The following TMEM245 variants were observed in gnomAD, a reference collection of about 807,000 sequenced individuals.
TMEM245 encodes transmembrane protein 245.
A neutral mutation model predicts 101.2 loss-of-function variants in TMEM245; 69 were observed. That is an observed-to-expected ratio of 0.68 (90% confidence interval 0.56 to 0.83). The LOEUF (loss-of-function observed/expected upper bound fraction) is 0.83, where lower values mean the gene tolerates loss of function less well. TMEM245 is among the 40% of genes least tolerant of loss of function. The pLI is 0.00. For missense variants in TMEM245, 1,075 were observed against 1,092.8 expected (o/e 0.98, Z 0.23); for synonymous variants, 537 against 449.8 (o/e 1.19, Z -2.45).
intron 6 of TMEM245, among the ~76,000 whole-genome samples, chr9:109,086,957 A>AT (rs2132548453): frequency 6.6e-6 from 1 of 152,314 alleles, no homozygotes; most frequent in East Asian, 1.9e-4. Flanking sequence ...CATTTCTCCC[A>AT]TTTTTATGAG....
intron 8 of TMEM245, among the ~76,000 whole-genome samples, chr9:109,075,503 T>C (rs546988908): frequency 1.3e-5 from 2 of 152,332 alleles, no homozygotes; most frequent in South Asian, 4.1e-4. Context: ...CGCTTCTTGG[T>C]AGGAAGAATT....
Position 109,036,383 on chromosome 9 carries a change from GA to G in TMEM245, c.2225-4del, listed in dbSNP as rs753369168. 1 of 1,568,478 alleles carries G rather than the reference GA, an allele frequency of 6.4e-7. No homozygotes were observed. On this transcript the variant is annotated splice_polypyrimidine_tract_variant and splice_region_variant and intron_variant, in intron 15 of 17. Transcript: ENST00000374586. ...TGCTCCAAGGATTGCTGCTAATGCT[GA>G]AAAAAGAGTAAAAGAAAAACAACTT... is the stretch of plus-strand genomic sequence containing the variant.
intron 9 of TMEM245, among the ~76,000 whole-genome samples, chr9:109,067,501 C>T (rs1455369225): frequency 1.3e-5 from 2 of 152,260 alleles, no homozygotes; most frequent in African/African-American, 4.8e-5. Context: ...TACTACCTAC[C>T]AAGAGAACAA....
intron 12 of TMEM245, among the ~76,000 whole-genome samples, chr9:109,052,637 C>T (rs1828720350): frequency 6.6e-6 from 1 of 152,190 alleles, no homozygotes; most frequent in African/African-American, 2.4e-5. Flanking sequence ...TACATAAAAT[C>T]TTGAAAATGC....
At chr9:109,074,848 A>C (rs1829448627) in intron 8 of TMEM245, among the ~76,000 whole-genome samples, 1 of 152,204 alleles carries the variant, frequency 6.6e-6, no homozygotes, top group Admixed American at 6.5e-5. Flanking sequence ...ACAAAATACA[A>C]ACTGCACCAA....
intron 5 of TMEM245, among the ~76,000 whole-genome samples, chr9:109,089,019 T>C (rs141067730): frequency 1.2e-3 from 175 of 151,934 alleles, no homozygotes; most frequent in African/African-American, 4.1e-3. Flanking sequence ...CACACCTGTA[T>C]AGTCCCAGCA....
intron 6 of TMEM245, among the ~76,000 whole-genome samples, chr9:109,086,832 C>T (rs1829853976): frequency 6.6e-6 from 1 of 152,144 alleles, no homozygotes; most frequent in South Asian, 2.1e-4. Flanking sequence ...GTAATTACTC[C>T]AAAAATATTC....
At chr9:109,077,004 A>G (rs984845749) in intron 8 of TMEM245, among the ~76,000 whole-genome samples, 1 of 152,030 alleles carries the variant, frequency 6.6e-6, no homozygotes, top group Admixed American at 6.6e-5. Flanking sequence ...TAACACTTCC[A>G]AATTTATTGA....
chr9:109,040,067 C>G (rs1471020607), intron 14 of TMEM245, among the ~76,000 whole-genome samples: 2 of 152,190 alleles, frequency 1.3e-5, no homozygotes, highest in Non-Finnish European at 2.9e-5. Flanking sequence ...AGACAGCAGT[C>G]TTCTTTCTTT....
intron 1 of TMEM245, among the ~76,000 whole-genome samples, chr9:109,116,032 TGA>T (rs780755920): frequency 2.0e-5 from 3 of 152,154 alleles, no homozygotes; most frequent in Non-Finnish European, 4.4e-5. Flanking sequence ...CATAAGACAT[TGA>T]GAGAATGAAA....
At chr9:109,045,624 T>G (rs1166479290) in intron 14 of TMEM245, among the ~76,000 whole-genome samples, 2 of 152,218 alleles carry the variant, frequency 1.3e-5, no homozygotes, top group African/African-American at 4.8e-5. Context: ...ATAGTAAACG[T>G]GTATTTCAAA....
intron 17 of TMEM245, among the ~76,000 whole-genome samples, chr9:109,021,473 A>G (rs370717146): frequency 1.5e-4 from 22 of 150,678 alleles, no homozygotes; most frequent in South Asian, 4.2e-4. Flanking sequence ...ATACAGAAAA[A>G]TATTTGACTT....
chr9:109,068,630 CTG>C (rs1476207574), intron 9 of TMEM245, among the ~76,000 whole-genome samples: 9 of 152,202 alleles, frequency 5.9e-5, no homozygotes, highest in African/African-American at 1.7e-4. Flanking sequence ...GAGTGAGACT[CTG>C]TGTCAAAACA....
In TMEM245 at chr9:109,091,048, T is replaced by C. The variant is rs565903559; in HGVS notation, c.1024A>G (p.Ile342Val). The C allele has an allele frequency of 6.2e-7, 1 of 1,614,144 alleles. No homozygotes were observed. Among genetic ancestry groups the C allele is most frequent in the Middle Eastern group, 1.6e-4 (1 of 6,062 alleles). Residue 342 changes from isoleucine (I) to valine (V), a missense_variant, in exon 5 of 18, where the codon ATA (isoleucine) becomes GTA (valine). By Grantham distance (29) the Ile-to-Val change is conservative. Transcript: ENST00000374586. ...TTCTTCTTTCTAAGAAACGTTCCTATTTCAGGCCTTCGTCTGCCCAGAGTA... is the reference window on the plus strand; with the variant it reads ...TTCTTCTTTCTAAGAAACGTTCCTACTTCAGGCCTTCGTCTGCCCAGAGTA... ...SPTLGRRRPE[I>V]GTFLRKKKTS...
At chr9:109,069,370 T>A (rs930410382) in intron 9 of TMEM245, among the ~76,000 whole-genome samples, 8 of 152,216 alleles carry the variant, frequency 5.3e-5, no homozygotes, top group Non-Finnish European at 1.2e-4. Context: ...TATCATCCTA[T>A]GAAAGGCTCT....
intron 14 of TMEM245, among the ~76,000 whole-genome samples, chr9:109,050,020 GGCCTCAAGCAATCTTCCT>G (rs1429094004): frequency 6.6e-6 from 1 of 152,108 alleles, no homozygotes; most frequent in African/African-American, 2.4e-5. Flanking sequence ...TCAGACTCCT[GGCCTCAAGCAATCTTCCT>G]GCCTCAAGCA....
intron 3 of TMEM245, among the ~76,000 whole-genome samples, chr9:109,094,327 G>A (rs766233453): frequency 6.6e-6 from 1 of 152,174 alleles, no homozygotes; most frequent in African/African-American, 2.4e-5. Context: ...ACACTAGACT[G>A]GAGAGCTAAA....
intron 8 of TMEM245, among the ~76,000 whole-genome samples, chr9:109,075,251 A>G (rs942382550): frequency 1.3e-5 from 2 of 152,170 alleles, no homozygotes; most frequent in Non-Finnish European, 2.9e-5. Flanking sequence ...TCCTTTTTAC[A>G]TACTGCAGGA....
intron 1 of TMEM245, 103 bp from the exon 2 acceptor site, chr9:109,108,673 A>C: frequency 2.7e-6 from 2 of 737,800 alleles, no homozygotes; most frequent in South Asian, 3.0e-5. Flanking sequence ...TGCTCTGGAC[A>C]TAGCACAGAA....
Sources: gnomAD v4.1 joint callset for allele counts (sites outside exome capture counted in the v4.1 genomes callset) on GRCh38, gnomAD v4.1.1 for gene constraint, MANE v1.5 for transcripts, NCBI Gene and HGNC (gene_info 2026-07-23, HGNC 2026-07-21) for gene names.